Variants in DHX16 observed in about 807,000 individuals in gnomAD.
DHX16 encodes the protein DEAH-box helicase 16.
DHX16 carries 81 observed loss-of-function variants against 131.2 expected under a neutral mutation model. The ratio of observed to expected loss-of-function variants is 0.62; its 90% confidence interval spans 0.52 to 0.74. The LOEUF (loss-of-function observed/expected upper bound fraction) is 0.74. DHX16 is among the 30% of genes least tolerant of loss of function. DHX16 has a pLI of 0.00. For synonymous variants in DHX16, 440 were observed against 520.2 expected, an observed-to-expected ratio of 0.85 and a Z score of 2.10; for missense variants, 980 against 1,363.1, an observed-to-expected ratio of 0.72 and a Z score of 4.43.
chr6:30,672,080 G>C (rs556808764), intron 1 of DHX16, among the ~76,000 whole-genome samples: 12 of 151,884 alleles, frequency 7.9e-5, no homozygotes, highest in African/African-American at 2.9e-4. Context: ...AGGGGGCTGA[G>C]AGAGGATTGC....
At position 30,664,870 on chromosome 6, in the gene DHX16, T is replaced by C. The variant is rs573690447; in HGVS notation, c.1248A>G (p.Gln416=). ...EELLAAIANH[Q]VLIIEGETGS... ...CTGTCTCGCCTTCAATGATGAGGAC[T>C]TGGTGATTTGCAATAGCAGCCAGGA... is the stretch of plus-strand genomic sequence containing the variant. The change falls in exon 7 of 20, where the codon CAA becomes CAG. Residue 416 remains glutamine (Q), a synonymous_variant. Transcript: ENST00000376442. The C allele has an allele frequency of 6.2e-6, 10 of 1,613,164 alleles. 1 individual carries two copies. The highest frequency in any genetic ancestry group is 1.6e-4 in the Middle Eastern group (1 of 6,062).
rs551067405 is a variant in DHX16 at position 30,655,264 on chromosome 6, G to A, written c.2734C>T (p.Arg912Trp). 8 of 1,614,166 alleles carry A rather than the reference G, an allele frequency of 5.0e-6. No individual in the cohort carries two copies. The highest frequency in any genetic ancestry group is 2.2e-5 in the East Asian group (1 of 44,886). ...CCTTCCAGCTGTTCCCGCACATCCC[G>A]GGCTCGGCGCATCGATCTGAACTGT... ...FVQFRSMRRA[R>W]DVREQLEGLL... Residue 912 changes from arginine to tryptophan, a missense_variant, in exon 18 of 20, where the codon CGG becomes TGG. Arg to Trp is a moderately radical substitution (Grantham distance 101, BLOSUM62 -3). Transcript: ENST00000376442.
At chr6:30,669,194 C>A (rs962648720) in intron 4 of DHX16, among the ~76,000 whole-genome samples, 1 of 152,116 alleles carries the variant, frequency 6.6e-6, no homozygotes, top group African/African-American at 2.4e-5. Flanking sequence ...GAGGCCAAGG[C>A]GGGCAGATCA....
intron 12 of DHX16, among the ~76,000 whole-genome samples, chr6:30,659,028 A>T (rs1178999286): frequency 6.6e-6 from 1 of 152,122 alleles, no homozygotes; most frequent in Non-Finnish European, 1.5e-5. Context: ...GTGGGATTAT[A>T]GGCGCACGCC....
intron 16 of DHX16, among the ~76,000 whole-genome samples, chr6:30,655,858 T>C (rs1302959070): frequency 6.6e-6 from 1 of 152,176 alleles, no homozygotes; most frequent in Non-Finnish European, 1.5e-5. Flanking sequence ...CTGAGGCTTC[T>C]GCAGAAAGTG....
At chr6:30,655,126 C>T (rs1227538624) in intron 18 of DHX16, 49 bp downstream of exon 18, 1 of 1,610,040 alleles carries the variant, frequency 6.2e-7, no homozygotes, top group Admixed American at 1.7e-5. Flanking sequence ...GAAGCTTGCT[C>T]CTGGGAAGGT....
rs201472361 is a variant in DHX16, at chr6:30,665,293, T to C, written c.922-19A>G. On this transcript the variant is annotated intron_variant, in intron 5 of 19. Transcript: ENST00000376442. The surrounding 1 kb of genome is among the most constrained non-coding windows in gnomAD (Gnocchi z 4.8). ...GGGCTGGCTACAGAGAGAGGGGATA[T>C]GTGAAGACTCAAAAACAGGATGTCC... The C allele has an allele frequency of 2.9e-4, 464 of 1,599,844 alleles. 1 individual carries two copies. Among genetic ancestry groups the C allele is most frequent in the Non-Finnish European group, 3.8e-4 (449 of 1,178,720 alleles).
At position 30,672,882 on chromosome 6, in the gene DHX16, C is replaced by G; in HGVS notation, c.-41G>C. ...CTGCTCCCGGCCCTGAAGCGTCGGG[C>G]AGCCGCGCTCACTGCTGGGCCGGTC... On this transcript the variant is annotated 5_prime_UTR_variant, in exon 1 of 20. Transcript: ENST00000376442. 2 of 1,606,794 alleles carry G rather than the reference C, an allele frequency of 1.2e-6. No individual in the cohort carries two copies. The highest frequency in any genetic ancestry group is 1.7e-6 in the Non-Finnish European group (2 of 1,176,814).
At position 30,660,366 on chromosome 6, in the gene DHX16, G is replaced by T. The variant is rs568103461; in HGVS notation, c.1545-124C>A. On this transcript the variant is annotated intron_variant, in intron 9 of 19. Coordinates refer to ENST00000376442, the MANE Select transcript of DHX16 (RefSeq NM_003587.5). ...AGTTCAAGAATGACTGTTGACGGAG[G>T]GGGCTCTAAGGAGAAGTCAGCCATC... 6.9e-5 allele frequency: 54 copies of T among 779,382 alleles called. No individual in the cohort carries two copies. In the South Asian group the frequency reaches 1.1e-3, roughly 16 times the overall value. 48.3% of individuals were successfully genotyped at this position (779,382 alleles called of 1,614,324 possible). A position where few individuals can be genotyped will look rare whatever the true frequency, so the allele number is the denominator to read the frequency against.
chr6:30,662,536 A>G lies in DHX16; in HGVS notation c.1544+91T>C, dbSNP rs1768605627. On this transcript the variant is annotated intron_variant, in intron 9 of 19. Coordinates refer to ENST00000376442, the MANE Select transcript of DHX16 (RefSeq NM_003587.5). This position sits in a 1 kb window ranked among gnomAD's most constrained non-coding sequence, Gnocchi z 4.7. ...TCAGTTCAAGGACCATTTGAACCAC[A>G]AAGATTCAAGAACGGGTGGATTAAT... The G allele has an allele frequency of 2.7e-6, 3 of 1,130,070 alleles. No homozygotes were observed. The highest frequency in any genetic ancestry group is 1.5e-5 in the African/African-American group (1 of 65,534). The allele number at this position is 1,130,070 out of a possible 1,614,324, so 70.0% of individuals were successfully genotyped here.
chr6:30,654,571 A>C (rs1311150756), intron 19 of DHX16, 135 bp downstream of exon 19: 14 of 892,310 alleles, frequency 1.6e-5, no homozygotes, highest in Non-Finnish European at 2.3e-5. Context: ...AAAAAAACAA[A>C]GGATGTCTTT....
In DHX16 at chr6:30,656,198, T is replaced by C; in HGVS notation, c.2498A>G (p.Lys833Arg). 6.2e-7 allele frequency: 1 copy of C among 1,612,926 alleles called. No homozygotes were observed. The highest frequency in any genetic ancestry group is 8.5e-7 in the Non-Finnish European group (1 of 1,180,010). The change falls in exon 16 of 20, where the codon AAG (lysine) becomes AGG (arginine). Residue 833 changes from lysine (K) to arginine (R), a missense_variant and splice_region_variant. Lys to Arg is a conservative substitution (Grantham distance 26, BLOSUM62 2). Coordinates refer to ENST00000376442, the MANE Select transcript of DHX16 (RefSeq NM_003587.5). The surrounding 1 kb of genome is among the most constrained non-coding windows in gnomAD (Gnocchi z 5.1). ...GGCCCAGGTGGAGGCGAGGGCTTAC[T>C]TCTCAGAGGCTAAGATCATTTTGGA... ...MLSKMILASE[K>R]YSCSEEILTV...
intron 9 of DHX16, among the ~76,000 whole-genome samples, chr6:30,660,846 C>T (rs1056225963): frequency 2.0e-5 from 3 of 151,642 alleles, no homozygotes; most frequent in Admixed American, 6.6e-5. Context: ...CGTGCCACTG[C>T]ACTCCAGCCT....
At chr6:30,669,938 G>A (rs1769381783) in intron 4 of DHX16, among the ~76,000 whole-genome samples, 1 of 152,048 alleles carries the variant, frequency 6.6e-6, no homozygotes, top group Admixed American at 6.6e-5. Flanking sequence ...AAGACACAGG[G>A]AGATCACAAA....
At chr6:30,670,000 G>A (rs1001966141) in intron 4 of DHX16, among the ~76,000 whole-genome samples, 2 of 152,154 alleles carry the variant, frequency 1.3e-5, no homozygotes, top group Non-Finnish European at 2.9e-5. Flanking sequence ...TGGAGATGGT[G>A]TGCCTAAGCT....
At chr6:30,668,699 C>A (rs1769258364) in intron 4 of DHX16, among the ~76,000 whole-genome samples, 1 of 151,984 alleles carries the variant, frequency 6.6e-6, no homozygotes, top group South Asian at 2.1e-4. Flanking sequence ...AACACCACTA[C>A]CACCACAACT....
intron 9 of DHX16, 125 bp from the exon 10 acceptor site, chr6:30,660,367 G>C (rs935463155): frequency 2.6e-6 from 2 of 777,870 alleles, no homozygotes; most frequent in African/African-American, 1.8e-5. Flanking sequence ...TTGACGGAGG[G>C]GGCTCTAAGG....
chr6:30,664,884 T>C lies in DHX16; in HGVS notation c.1234A>G (p.Ile412Val). 2 of 1,613,142 alleles carry C rather than the reference T, an allele frequency of 1.2e-6. No homozygotes were observed. Among genetic ancestry groups the C allele is most frequent in the Non-Finnish European group, 1.7e-6 (2 of 1,179,972 alleles). Residue 412 changes from isoleucine (I) to valine (V), a missense_variant, in exon 7 of 20, where the codon ATT becomes GTT. Coordinates refer to ENST00000376442, the MANE Select transcript of DHX16 (RefSeq NM_003587.5). ...ATGATGAGGACTTGGTGATTTGCAA[T>C]AGCAGCCAGGAGCTCCTCTCGAAAT... is the stretch of plus-strand genomic sequence containing the variant. ...FPFREELLAAIANHQVLIIEG... is the reference protein window; with the variant it reads ...FPFREELLAAVANHQVLIIEG...
chr6:30,671,605 A>C (rs1769562122), intron 1 of DHX16, among the ~76,000 whole-genome samples: 1 of 152,028 alleles, frequency 6.6e-6, no homozygotes. Context: ...TCAGCCTCCC[A>C]AAGTGCTGGG....
Sources: allele counts gnomAD v4.1 joint callset (sites outside exome capture counted in the v4.1 genomes callset), GRCh38; gene constraint gnomAD v4.1.1; non-coding constraint Gnocchi (gnomAD v3.1); transcripts MANE v1.5; gene names NCBI Gene and HGNC (gene_info 2026-07-23, HGNC 2026-07-21).